ZDHHC15: variants seen among roughly 807,000 people sequenced by gnomAD.
The protein encoded by ZDHHC15 is zDHHC palmitoyltransferase 15, also known as palmitoyltransferase ZDHHC15.
In ZDHHC15, 19 loss-of-function variants were observed where a neutral mutation model predicts 31.7. The observed-to-expected ratio is 0.60, with a 90% CI of 0.42 to 0.88. ZDHHC15 has a LOEUF of 0.88. ZDHHC15 is among the 40% of genes least tolerant of loss of function. The pLI is 0.00. For missense variants in ZDHHC15, 209 were observed against 251.2 expected, an observed-to-expected ratio of 0.83 and a Z score of 1.14; for synonymous variants, 103 against 90.0, an observed-to-expected ratio of 1.14 and a Z score of -0.82.
chrX:75,446,181 T>C (rs966442926), intron 4 of ZDHHC15, among the ~76,000 whole-genome samples: 2 of 112,020 alleles, frequency 1.8e-5, no homozygotes, highest in Non-Finnish European at 3.8e-5. Context: ...TCTGGCCAAA[T>C]TTATTGATAG....
At chrX:75,486,162 A>C (rs920842935) in intron 2 of ZDHHC15, among the ~76,000 whole-genome samples, 1 of 112,570 alleles carries the variant, frequency 8.9e-6, no homozygotes, top group Non-Finnish European at 1.9e-5. Flanking sequence ...ATACATCCCC[A>C]CTGGGAAACC....
At position 75,518,806 on chromosome X, in the gene ZDHHC15, T is replaced by TAC. The variant is rs57864438; in HGVS notation, c.136+4081_136+4082dup. ...ATATATATATATATATATATATATA[T>TAC]ACACACACACACACACACACACACA... On this transcript the variant is annotated intron_variant, in intron 1 of 11. Coordinates refer to ENST00000373367, the MANE Select transcript of ZDHHC15 (RefSeq NM_144969.3). Among the ~76,000 whole-genome samples, 134 of 22,897 alleles carry TAC rather than the reference T, an allele frequency of 5.9e-3. 2 individuals carry two copies. Among genetic ancestry groups the TAC allele is most frequent in the Admixed American group, 8.1e-3 (8 of 989 alleles). 19.9% of individuals were successfully genotyped at this position (22,897 alleles called of 115,157 possible). A position where few individuals can be genotyped will look rare whatever the true frequency, so the allele number is the denominator to read the frequency against.
intron 3 of ZDHHC15, among the ~76,000 whole-genome samples, chrX:75,454,921 T>C (rs1369420975): frequency 9.0e-6 from 1 of 111,179 alleles, no homozygotes; most frequent in East Asian, 2.8e-4. Flanking sequence ...AGAATCAATA[T>C]CCTGAAAATG....
At chrX:75,491,411 G>C (rs1452802229) in intron 2 of ZDHHC15, among the ~76,000 whole-genome samples, 1 of 100,354 alleles carries the variant, frequency 1.0e-5, no homozygotes, top group African/African-American at 3.7e-5. Context: ...TCACTCATAG[G>C]TGGGTATTGA....
rs2147753253 is a variant in ZDHHC15 at position 75,379,233 on chromosome X, C to T, written c.968-35G>A. ...TGAAACGTGAAGATGATCAAATGTC[C>T]CCGTGCCTTATATGGGTGGGTATTC... On this transcript the variant is annotated intron_variant, in intron 10 of 11. Coordinates refer to ENST00000373367, the MANE Select transcript of ZDHHC15 (RefSeq NM_144969.3). 4 of 1,203,035 alleles carry T rather than the reference C, an allele frequency of 3.3e-6. No individual in the cohort carries two copies. In the East Asian group the frequency reaches 1.2e-4, roughly 36 times the overall value.
chrX:75,507,714 G>T (rs2085190127), intron 1 of ZDHHC15, among the ~76,000 whole-genome samples: 1 of 111,377 alleles, frequency 9.0e-6, no homozygotes, highest in Non-Finnish European at 1.9e-5. Context: ...CTACTAGGGG[G>T]TAAATTATTG....
At chrX:75,406,533 T>C (rs1285011600) in intron 10 of ZDHHC15, among the ~76,000 whole-genome samples, 1 of 109,640 alleles carries the variant, frequency 9.1e-6, no homozygotes, top group Non-Finnish European at 1.9e-5. Context: ...GCCACAGAAA[T>C]ACAAAGAATC....
At chrX:75,395,174 T>C (rs950909467) in intron 10 of ZDHHC15, among the ~76,000 whole-genome samples, 9 of 111,629 alleles carry the variant, frequency 8.1e-5, no homozygotes, top group African/African-American at 2.9e-4. Context: ...TTCACTACTG[T>C]GATTCAACAC....
intron 10 of ZDHHC15, among the ~76,000 whole-genome samples, chrX:75,394,745 C>T (rs771108875): frequency 1.8e-5 from 2 of 111,713 alleles, no homozygotes; most frequent in Non-Finnish European, 3.8e-5. Context: ...TAGAGCTTAA[C>T]AGAGAAAGAC....
rs1401552090 is a variant in ZDHHC15, at chrX:75,419,856, A to G, written c.863+2008T>C. On this transcript the variant is annotated intron_variant, in intron 9 of 11. Coordinates refer to ENST00000373367, the MANE Select transcript of ZDHHC15 (RefSeq NM_144969.3). ...CGGCAAACTATCACAAGGACAAAAA[A>G]CCAAATACCGCATGTTCTCACTTAT... Among the ~76,000 whole-genome samples the G allele has an allele frequency of 2.9e-5, 3 of 103,524 alleles. No individual in the cohort carries two copies. In the Admixed American group the frequency reaches 3.2e-4, roughly 11 times the overall value. 89.9% of individuals were successfully genotyped at this position (103,524 alleles called of 115,157 possible).
At chrX:75,407,029 G>A (rs928170328) in intron 10 of ZDHHC15, among the ~76,000 whole-genome samples, 18 of 112,539 alleles carry the variant, frequency 1.6e-4, no homozygotes, top group Admixed American at 3.7e-4. Context: ...ATCTTGGCTC[G>A]CTACAGCCTC....
rs185811430 is a variant in ZDHHC15 at position 75,407,281 on chromosome X, C to A, written c.967+9806G>T. On this transcript the variant is annotated intron_variant, in intron 10 of 11. Transcript: ENST00000373367. The stretch of plus-strand genomic sequence containing the variant: ...GCCGCCCCGTCTGAGAAGTGAGGAG[C>A]CCCTCCGCCCAGCAGCCGTCCCATC... 7.9e-3 allele frequency among the ~76,000 whole-genome samples: 873 copies of A among 110,907 alleles called. 10 individuals are homozygous for A. Among genetic ancestry groups the A allele is most frequent in the African/African-American group, 0.026 (800 of 30,462 alleles).
chrX:75,378,746 A>G, intron 11 of ZDHHC15, among the ~76,000 whole-genome samples: 1 of 111,409 alleles, frequency 9.0e-6, no homozygotes, highest in Non-Finnish European at 1.9e-5. Context: ...AACTGACATA[A>G]TGGAGTCAGG....
At chrX:75,515,748 A>G (rs2085346365) in intron 1 of ZDHHC15, among the ~76,000 whole-genome samples, 1 of 111,712 alleles carries the variant, frequency 9.0e-6, no homozygotes, top group Admixed American at 9.6e-5. Context: ...ATCAGGCAGG[A>G]GAAAGAAATA....
chrX:75,512,932 A>T (rs1423320494), intron 1 of ZDHHC15, among the ~76,000 whole-genome samples: 2 of 81,942 alleles, frequency 2.4e-5, no homozygotes, highest in Non-Finnish European at 4.8e-5. Flanking sequence ...TACTGGTACC[A>T]AAACAGAGAT....
chrX:75,515,321 T>A (rs2148070364), intron 1 of ZDHHC15, among the ~76,000 whole-genome samples: 1 of 111,382 alleles, frequency 9.0e-6, no homozygotes, highest in African/African-American at 3.3e-5. Flanking sequence ...TGAACATTGA[T>A]GCAAAATCCT....
intron 4 of ZDHHC15, among the ~76,000 whole-genome samples, chrX:75,447,302 A>G (rs1378222420): frequency 1.8e-5 from 2 of 112,328 alleles, no homozygotes; most frequent in Non-Finnish European, 1.9e-5. Flanking sequence ...TTGGATACAG[A>G]TTTGTCTTCC....
At chrX:75,432,904 A>T (rs2083798489) in intron 4 of ZDHHC15, among the ~76,000 whole-genome samples, 1 of 111,324 alleles carries the variant, frequency 9.0e-6, no homozygotes, top group African/African-American at 3.3e-5. Context: ...GGATTGCTAG[A>T]GCCCAGGAGT....
At chrX:75,444,290 A>C (rs1487069740) in intron 4 of ZDHHC15, among the ~76,000 whole-genome samples, 21 of 109,414 alleles carry the variant, frequency 1.9e-4, no homozygotes, top group Non-Finnish European at 3.2e-4. Context: ...ATGCAGCCAT[A>C]AAAAAGGATG....
Sources: allele counts gnomAD v4.1 joint callset (sites outside exome capture counted in the v4.1 genomes callset), GRCh38; gene constraint gnomAD v4.1.1; transcripts MANE v1.5; gene names NCBI Gene and HGNC (gene_info 2026-07-23, HGNC 2026-07-21).